The following KLF12 variants were observed in gnomAD, a reference collection of about 807,000 sequenced individuals.
The protein encoded by KLF12 is KLF transcription factor 12.
A neutral mutation model predicts 37.8 loss-of-function variants in KLF12; 9 were observed. That is an observed-to-expected ratio of 0.24 (90% confidence interval 0.14 to 0.42). The LOEUF is 0.42. Among genes scored for constraint, KLF12 ranks in the 10% least tolerant of loss-of-function variants. The pLI, the probability that KLF12 is intolerant of heterozygous loss-of-function variation, is 1.00. For synonymous variants in KLF12, 208 were observed against 202.1 expected, an observed-to-expected ratio of 1.03 and a Z score of -0.25; for missense variants, 411 against 516.0, an observed-to-expected ratio of 0.80 and a Z score of 1.97.
intron 1 of KLF12, among the ~76,000 whole-genome samples, chr13:74,002,451 T>G (rs1401412355): frequency 6.6e-6 from 1 of 152,192 alleles, no homozygotes; most frequent in Admixed American, 6.5e-5. Flanking sequence ...CATGGCTCAC[T>G]GCAGCCTCGA....
At chr13:73,857,961 G>A (rs1481990965) in intron 3 of KLF12, among the ~76,000 whole-genome samples, 1 of 152,126 alleles carries the variant, frequency 6.6e-6, no homozygotes, top group African/African-American at 2.4e-5. Context: ...CAAAAAGTAT[G>A]AGCTTAATTT....
chr13:73,725,833 G>GTATTTATTTATTTATT (rs71919762), intron 6 of KLF12, among the ~76,000 whole-genome samples: 1 of 142,190 alleles, frequency 7.0e-6, no homozygotes, highest in Non-Finnish European at 1.5e-5. Flanking sequence ...ATTTCAAAAT[G>GTATTTATTTATTTATT]TATTTATTTA....
chr13:74,174,340 T>C, the KLF12 span, among the ~76,000 whole-genome samples: 2 of 150,734 alleles, frequency 1.3e-5, 1 homozygote, highest in South Asian at 4.2e-4. Context: ...CTTTTCTTTT[T>C]TTTTTTTTTT....
At chr13:73,698,390 C>G (rs1356691219) in intron 7 of KLF12, among the ~76,000 whole-genome samples, 3 of 152,030 alleles carry the variant, frequency 2.0e-5, no homozygotes, top group Non-Finnish European at 4.4e-5. Context: ...TGATTTATAC[C>G]TCAGGTGCTG....
intron 1 of KLF12, among the ~76,000 whole-genome samples, chr13:74,035,789 T>C (rs1259690973): frequency 1.3e-5 from 2 of 152,230 alleles, no homozygotes; most frequent in Non-Finnish European, 1.5e-5. Context: ...CAGTTTTAAA[T>C]TGTACACAAA....
the KLF12 span, among the ~76,000 whole-genome samples, chr13:74,227,682 C>T: frequency 4.6e-5 from 7 of 152,064 alleles, no homozygotes; most frequent in Admixed American, 3.9e-4. Flanking sequence ...CAAACCTAGG[C>T]TTCTCATTCT....
In KLF12 at chr13:73,813,160, T is replaced by G. The variant is rs377300650; in HGVS notation, c.798A>C (p.Ala266=). ...GTGAATGTGATACTTACTCTTGTACTGCTCTGGCTATGGAAAGGGCCGTAG... is the reference window on the plus strand; with the variant it reads ...GTGAATGTGATACTTACTCTTGTACGGCTCTGGCTATGGAAAGGGCCGTAG... The change falls in exon 5 of 8, where the codon GCA becomes GCC. Residue 266 remains alanine (A), a synonymous_variant. Transcript: ENST00000377669. The G allele has an allele frequency of 3.7e-6, 6 of 1,613,994 alleles. No individual in the cohort carries two copies. The highest frequency in any genetic ancestry group is 4.2e-6 in the Non-Finnish European group (5 of 1,179,906).
At chr13:74,123,834 T>G (rs1877780985) in intron 1 of KLF12, among the ~76,000 whole-genome samples, 1 of 152,198 alleles carries the variant, frequency 6.6e-6, no homozygotes, top group African/African-American at 2.4e-5. Context: ...GAAAAAACTA[T>G]TTTACTGGTG....
At chr13:74,030,352 T>C (rs2138478720) in intron 1 of KLF12, among the ~76,000 whole-genome samples, 1 of 152,256 alleles carries the variant, frequency 6.6e-6, no homozygotes, top group African/African-American at 2.4e-5. Context: ...GCACACACTC[T>C]GCCCAATGTT....
intron 6 of KLF12, among the ~76,000 whole-genome samples, chr13:73,719,819 C>T (rs1876105052): frequency 6.6e-6 from 1 of 152,072 alleles, no homozygotes; most frequent in Non-Finnish European, 1.5e-5. Context: ...CCAGGCTTAT[C>T]TTGAACTCCT....
intron 2 of KLF12, among the ~76,000 whole-genome samples, chr13:73,965,344 C>T (rs184751376): frequency 2.0e-5 from 3 of 152,284 alleles, no homozygotes; most frequent in Non-Finnish European, 2.9e-5. Flanking sequence ...ATTTTAATGT[C>T]AAGTCTCCAT....
intron 7 of KLF12, among the ~76,000 whole-genome samples, chr13:73,715,152 A>T (rs1179169641): frequency 1.3e-5 from 2 of 152,170 alleles, no homozygotes; most frequent in Non-Finnish European, 1.5e-5. Context: ...AGACTACTAG[A>T]TCACTATGTT....
chr13:73,890,408 C>T (rs1316306591), intron 3 of KLF12, among the ~76,000 whole-genome samples: 1 of 151,910 alleles, frequency 6.6e-6, no homozygotes, highest in African/African-American at 2.4e-5. Context: ...CAGGATTATC[C>T]CACGAAAGAA....
the KLF12 span, among the ~76,000 whole-genome samples, chr13:74,261,222 A>G: frequency 0.041 from 6,301 of 152,282 alleles, 144 homozygotes; most frequent in Middle Eastern, 0.071. Context: ...TAATATCAAT[A>G]ATCACCCAAA....
chr13:73,858,751 A>G (rs1885747082), intron 3 of KLF12, among the ~76,000 whole-genome samples: 1 of 152,212 alleles, frequency 6.6e-6, no homozygotes, highest in Admixed American at 6.5e-5. Flanking sequence ...AGTGAACTAC[A>G]TTTGGAAAAC....
Position 73,691,054 on chromosome 13 carries a change from A to G in KLF12, c.*4436T>C, listed in dbSNP as rs1205808159. 6.6e-6 allele frequency: 1 copy of G among 152,642 alleles called. No individual in the cohort carries two copies. Among genetic ancestry groups the G allele is most frequent in the Non-Finnish European group, 1.5e-5 (1 of 68,024 alleles). 9.5% of individuals were successfully genotyped at this position (152,642 alleles called of 1,614,324 possible). A position where few individuals can be genotyped will look rare whatever the true frequency, so the allele number is the denominator to read the frequency against. On this transcript the variant is annotated 3_prime_UTR_variant, in exon 8 of 8. Coordinates refer to ENST00000377669, the MANE Select transcript of KLF12 (RefSeq NM_007249.5). The stretch of plus-strand genomic sequence containing the variant: ...CTATAAAATGCAGGCAGAGTCATAT[A>G]TAGTATTATAAGCCGGTTTCCTAAT...
chr13:73,921,999 T>A (rs972318516), intron 3 of KLF12, among the ~76,000 whole-genome samples: 5 of 152,160 alleles, frequency 3.3e-5, no homozygotes, highest in Non-Finnish European at 5.9e-5. Context: ...GTTTTTTAAT[T>A]GTACACAATC....
chr13:74,264,812 C>A, the KLF12 span, among the ~76,000 whole-genome samples: 1 of 151,932 alleles, frequency 6.6e-6, no homozygotes, highest in African/African-American at 2.4e-5. Context: ...AATAAAATAC[C>A]TAGGGGAGAA....
intron 5 of KLF12, among the ~76,000 whole-genome samples, chr13:73,781,576 T>C (rs1880968782): frequency 6.6e-6 from 1 of 152,222 alleles, no homozygotes; most frequent in African/African-American, 2.4e-5. Context: ...TTTGCTTAAA[T>C]TTGTAGTCCC....
Sources: allele counts gnomAD v4.1 joint callset (sites outside exome capture counted in the v4.1 genomes callset), GRCh38; gene constraint gnomAD v4.1.1; transcripts MANE v1.5; gene names NCBI Gene and HGNC (gene_info 2026-07-23, HGNC 2026-07-21).